TRIQK: variants seen among roughly 807,000 people sequenced by gnomAD.
The protein encoded by TRIQK is triple QxxK/R motif-containing protein.
In TRIQK, 10 loss-of-function variants were observed where a neutral mutation model predicts 10.8. The ratio of observed to expected loss-of-function variants is 0.92; its 90% CI spans 0.57 to 1.57. TRIQK has a LOEUF of 1.57. TRIQK is among the 40% of genes most tolerant of loss of function. TRIQK has a pLI of 0.00. For synonymous variants in TRIQK, 33 were observed against 33.7 expected, an observed-to-expected ratio of 0.98 and a Z score of 0.07; for missense variants, 107 against 97.7, an observed-to-expected ratio of 1.09 and a Z score of -0.40.
At chr8:92,938,954 T>TA (rs1187930010) in intron 2 of TRIQK, among the ~76,000 whole-genome samples, 1 of 152,222 alleles carries the variant, frequency 6.6e-6, no homozygotes, top group African/African-American at 2.4e-5. Flanking sequence ...CCACCAAATC[T>TA]ATCATTTATA....
intron 1 of TRIQK, among the ~76,000 whole-genome samples, chr8:92,986,645 A>T (rs959873070): frequency 6.6e-6 from 1 of 152,196 alleles, no homozygotes; most frequent in Non-Finnish European, 1.5e-5. Context: ...TTTTAGTGAA[A>T]TACTTTCTCG....
intron 3 of TRIQK, among the ~76,000 whole-genome samples, chr8:92,897,112 A>G (rs942960839): frequency 6.6e-6 from 1 of 152,096 alleles, no homozygotes; most frequent in African/African-American, 2.4e-5. Context: ...CCACCATGCC[A>G]GGCCCCAGCA....
chr8:92,982,184 C>A (rs1194778382), intron 1 of TRIQK, among the ~76,000 whole-genome samples: 1 of 151,526 alleles, frequency 6.6e-6, no homozygotes, highest in Non-Finnish European at 1.5e-5. Context: ...ATCTTTTTGA[C>A]AGTTTTTTAT....
chr8:92,907,591 G>A (rs1226197034), intron 3 of TRIQK, among the ~76,000 whole-genome samples: 1 of 152,074 alleles, frequency 6.6e-6, no homozygotes, highest in Non-Finnish European at 1.5e-5. Flanking sequence ...TATTTCTGGA[G>A]TTTTTGATAG....
chr8:93,006,289 G>A (rs1289951096), intron 1 of TRIQK, among the ~76,000 whole-genome samples: 1 of 152,106 alleles, frequency 6.6e-6, no homozygotes, highest in Non-Finnish European at 1.5e-5. Context: ...CTGACTAGAC[G>A]GTTGGCATGA....
intron 3 of TRIQK, among the ~76,000 whole-genome samples, chr8:92,906,623 C>G (rs1460333700): frequency 3.3e-5 from 5 of 151,098 alleles, no homozygotes; most frequent in Admixed American, 2.6e-4. Context: ...TATAAAGTCA[C>G]CATTATCAAA....
rs547677894 is a variant in TRIQK, at chr8:92,907,289, A to G, written c.61+9640T>C. On this transcript the variant is annotated intron_variant, in intron 3 of 4. Coordinates refer to ENST00000521988, the MANE Select transcript of TRIQK (RefSeq NM_001171797.2). ...ACTTCTGCCTGGGATCATTTTAAAC[A>G]TCGTTCTCATGCCCTAAAAGATTAC... 3.0e-4 allele frequency among the ~76,000 whole-genome samples: 46 copies of G among 152,274 alleles called. 1 individual carries two copies. Among genetic ancestry groups the G allele is most frequent in the African/African-American group, 1.0e-3 (43 of 41,584 alleles).
intron 3 of TRIQK, among the ~76,000 whole-genome samples, chr8:92,906,775 C>G (rs952557050): frequency 6.6e-6 from 1 of 150,470 alleles, no homozygotes; most frequent in Admixed American, 6.6e-5. Flanking sequence ...CGCCTGTGGT[C>G]CCAGCTACTC....
chr8:92,942,860 A>G (rs1811338939), intron 2 of TRIQK, among the ~76,000 whole-genome samples: 1 of 152,004 alleles, frequency 6.6e-6, no homozygotes, highest in Non-Finnish European at 1.5e-5. Context: ...ACGCCTGGCT[A>G]ATTTTTTGTA....
intron 2 of TRIQK, among the ~76,000 whole-genome samples, chr8:92,918,397 C>T (rs1809982561): frequency 1.3e-5 from 2 of 151,738 alleles, no homozygotes; most frequent in Non-Finnish European, 1.5e-5. Flanking sequence ...TTATTTTTTG[C>T]CTTTCTGATA....
intron 1 of TRIQK, among the ~76,000 whole-genome samples, chr8:92,993,000 A>C (rs1760526995): frequency 1.3e-5 from 2 of 152,230 alleles, no homozygotes; most frequent in Admixed American, 6.5e-5. Flanking sequence ...TCTTTCATAC[A>C]CTCCAATCAA....
chr8:92,974,014 C>T (rs901041315), intron 1 of TRIQK: 6 of 152,308 alleles, frequency 3.9e-5, no homozygotes, highest in African/African-American at 9.6e-5. Context: ...AATAGCTCCA[C>T]ATCAAGTGCT....
At chr8:92,946,194 T>C (rs777264862) in intron 2 of TRIQK, among the ~76,000 whole-genome samples, 1 of 152,084 alleles carries the variant, frequency 6.6e-6, no homozygotes, top group Non-Finnish European at 1.5e-5. Context: ...AATTCACATA[T>C]AGATGGAAAA....
At chr8:92,960,642 C>T (rs892693234) in intron 1 of TRIQK, 1 of 152,144 alleles carries the variant, frequency 6.6e-6, no homozygotes, top group Non-Finnish European at 1.5e-5. Context: ...CAAAATAAGT[C>T]AGATTGCTGC....
At chr8:92,939,047 T>C (rs952454675) in intron 2 of TRIQK, among the ~76,000 whole-genome samples, 1 of 152,190 alleles carries the variant, frequency 6.6e-6, no homozygotes, top group Non-Finnish European at 1.5e-5. Flanking sequence ...TTTTACCAGA[T>C]AATGGAACTG....
At chr8:92,942,205 A>T (rs539486051) in intron 2 of TRIQK, among the ~76,000 whole-genome samples, 1 of 152,314 alleles carries the variant, frequency 6.6e-6, no homozygotes, top group East Asian at 1.9e-4. Flanking sequence ...ATTCTGATCA[A>T]GTGAGATTCA....
chr8:92,921,683 T>C (rs1810197068), intron 2 of TRIQK: 2 of 151,828 alleles, frequency 1.3e-5, no homozygotes, highest in Non-Finnish European at 3.0e-5. Context: ...AAAATAAATT[T>C]GCAGCATTTG....
At chr8:92,909,473 T>C (rs1169346948) in intron 3 of TRIQK, among the ~76,000 whole-genome samples, 9 of 151,870 alleles carry the variant, frequency 5.9e-5, no homozygotes, top group Admixed American at 2.0e-4. Context: ...GGTAAATTCA[T>C]CATTGAAAAT....
chr8:92,932,328 A>G (rs1394874292), intron 2 of TRIQK, among the ~76,000 whole-genome samples: 1 of 152,068 alleles, frequency 6.6e-6, no homozygotes, highest in East Asian at 1.9e-4. Flanking sequence ...AGCATAATCA[A>G]TGTGAATTTC....
Sources: allele counts gnomAD v4.1 joint callset (sites outside exome capture counted in the v4.1 genomes callset), GRCh38; gene constraint gnomAD v4.1.1; transcripts MANE v1.5; gene names NCBI Gene and HGNC (gene_info 2026-07-23, HGNC 2026-07-21).